TMEM117: variants seen among roughly 807,000 people sequenced by gnomAD.
The protein encoded by TMEM117 is transmembrane protein 117.
In TMEM117, 27 loss-of-function variants were observed where a neutral mutation model predicts 52.4. That is an observed-to-expected ratio of 0.51 (90% CI 0.38 to 0.71). TMEM117 has a LOEUF of 0.71. Among genes scored for constraint, TMEM117 ranks in the 30% least tolerant of loss-of-function variants. TMEM117 has a pLI of 0.00. For missense variants in TMEM117, 556 were observed against 630.5 expected, an observed-to-expected ratio of 0.88 and a Z score of 1.26; for synonymous variants, 215 against 206.3, an observed-to-expected ratio of 1.04 and a Z score of -0.36.
chr12:44,184,225 A>C (rs556102172), intron 4 of TMEM117, among the ~76,000 whole-genome samples: 1 of 152,158 alleles, frequency 6.6e-6, no homozygotes, highest in Non-Finnish European at 1.5e-5. Context: ...AGGTGCCTGT[A>C]ATCCCAGCTA....
chr12:43,950,155 A>C (rs1483846426), intron 3 of TMEM117, among the ~76,000 whole-genome samples: 4 of 152,230 alleles, frequency 2.6e-5, no homozygotes, highest in African/African-American at 9.6e-5. Context: ...GTGTTGACCT[A>C]AAAGGAAGAA....
At chr12:44,108,187 C>T (rs923220279) in intron 3 of TMEM117, among the ~76,000 whole-genome samples, 1 of 151,832 alleles carries the variant, frequency 6.6e-6, no homozygotes, top group Non-Finnish European at 1.5e-5. Flanking sequence ...ATCACTTGTA[C>T]CAAATTTATT....
At chr12:43,848,298 T>C (rs1943246317) in intron 2 of TMEM117, among the ~76,000 whole-genome samples, 1 of 152,032 alleles carries the variant, frequency 6.6e-6, no homozygotes, top group Non-Finnish European at 1.5e-5. Flanking sequence ...AGGGTTGAGT[T>C]TCCTCAACCC....
At chr12:43,984,720 A>G (rs1945818451) in intron 3 of TMEM117, among the ~76,000 whole-genome samples, 1 of 152,170 alleles carries the variant, frequency 6.6e-6, no homozygotes, top group African/African-American at 2.4e-5. Context: ...CAAAGCATTT[A>G]TTACTCAAAT....
intron 6 of TMEM117, among the ~76,000 whole-genome samples, chr12:44,332,948 C>G (rs1951292072): frequency 1.3e-5 from 2 of 151,896 alleles, no homozygotes; most frequent in Non-Finnish European, 2.9e-5. Context: ...TAAAGCTATA[C>G]CGATTCTGTT....
rs866268868 is a variant in TMEM117, at chr12:43,837,942, A to G, written c.-29+1746A>G. On this transcript the variant is annotated intron_variant, in intron 1 of 7. Transcript: ENST00000266534. ...GAAGAGAAAATCTAGGAAGTGATTT[A>G]TAGATGTAAACCTCTAAATTAGCTA... is the stretch of plus-strand genomic sequence containing the variant. Among the ~76,000 whole-genome samples, 4 of 152,242 alleles carry G rather than the reference A, an allele frequency of 2.6e-5. No homozygotes were observed. In the South Asian group the frequency reaches 6.2e-4, roughly 24 times the overall value.
At chr12:44,342,921 G>C (rs750137796) in intron 6 of TMEM117, among the ~76,000 whole-genome samples, 6 of 151,986 alleles carry the variant, frequency 3.9e-5, no homozygotes, top group Non-Finnish European at 8.8e-5. Flanking sequence ...CTGGAATGAA[G>C]TGGCACAATC....
intron 4 of TMEM117, among the ~76,000 whole-genome samples, chr12:44,198,080 A>G (rs2138360833): frequency 6.6e-6 from 1 of 152,298 alleles, no homozygotes; most frequent in South Asian, 2.1e-4. Flanking sequence ...ACTTAACTGT[A>G]TACTCAGGTA....
intron 3 of TMEM117, among the ~76,000 whole-genome samples, chr12:44,059,142 T>C (rs1003499618): frequency 6.6e-6 from 1 of 152,198 alleles, no homozygotes; most frequent in African/African-American, 2.4e-5. Flanking sequence ...GCTCAGGTGG[T>C]AATGCTCGTT....
At chr12:43,867,815 A>G (rs2951436) in intron 2 of TMEM117, among the ~76,000 whole-genome samples, 110,040 of 152,034 alleles carry the variant, frequency 0.72, 43,175 homozygotes, top group East Asian at 0.94. Flanking sequence ...AGCAAAAGGC[A>G]TAATCGTAGG....
chr12:43,879,128 C>G (rs1477720892), intron 2 of TMEM117, among the ~76,000 whole-genome samples: 1 of 152,028 alleles, frequency 6.6e-6, no homozygotes, highest in Non-Finnish European at 1.5e-5. Flanking sequence ...ACAGTTTTAT[C>G]AAAGGATATA....
chr12:44,013,417 G>A (rs1946326599), intron 3 of TMEM117, among the ~76,000 whole-genome samples: 1 of 152,188 alleles, frequency 6.6e-6, no homozygotes, highest in Admixed American at 6.5e-5. Context: ...TGGATATGAT[G>A]GCTAGGGTGG....
chr12:44,144,215 A>G (rs1948610842), intron 4 of TMEM117, among the ~76,000 whole-genome samples: 1 of 152,188 alleles, frequency 6.6e-6, no homozygotes, highest in Admixed American at 6.5e-5. Flanking sequence ...ACAGACAAAC[A>G]TGTCTCCTGC....
chr12:43,867,938 C>T (rs913551374), intron 2 of TMEM117, among the ~76,000 whole-genome samples: 5 of 152,044 alleles, frequency 3.3e-5, no homozygotes, highest in Admixed American at 1.3e-4. Context: ...GTTCACAGAA[C>T]ATTACTCCAG....
intron 4 of TMEM117, among the ~76,000 whole-genome samples, chr12:44,159,539 AT>A (rs533221269): frequency 3.3e-5 from 5 of 151,898 alleles, no homozygotes; most frequent in South Asian, 2.1e-4. Context: ...TGATGTTAGC[AT>A]TTTTTTTCCT....
At chr12:44,195,685 A>G (rs556833872) in intron 4 of TMEM117, among the ~76,000 whole-genome samples, 1 of 152,280 alleles carries the variant, frequency 6.6e-6, no homozygotes, top group South Asian at 2.1e-4. Flanking sequence ...TTAGGATTAA[A>G]GAAAGATACT....
chr12:44,040,758 A>G (rs1190882004), intron 3 of TMEM117, among the ~76,000 whole-genome samples: 1 of 152,168 alleles, frequency 6.6e-6, no homozygotes, highest in African/African-American at 2.4e-5. Flanking sequence ...TCTTTTTGAT[A>G]TTGTCCTTGT....
At chr12:44,125,595 A>C (rs1002805980) in intron 3 of TMEM117, among the ~76,000 whole-genome samples, 3 of 151,486 alleles carry the variant, frequency 2.0e-5, no homozygotes, top group African/African-American at 7.3e-5. Context: ...ATTTATTTGA[A>C]TCTTCTCTCT....
the TMEM117 span, among the ~76,000 whole-genome samples, chr12:43,813,095 C>T: frequency 6.6e-6 from 1 of 151,910 alleles, no homozygotes; most frequent in Admixed American, 6.6e-5. Flanking sequence ...CTCCCAAGAG[C>T]ACTTTTCTGT....
Sources: allele counts gnomAD v4.1 joint callset (sites outside exome capture counted in the v4.1 genomes callset), GRCh38; gene constraint gnomAD v4.1.1; transcripts MANE v1.5; gene names NCBI Gene and HGNC (gene_info 2026-07-23, HGNC 2026-07-21).